The following SCAPER variants were observed in gnomAD, a reference collection of about 807,000 sequenced individuals.
SCAPER encodes the protein S-phase cyclin A associated protein in the ER, also known as S phase cyclin A-associated protein in the endoplasmic reticulum.
Under a neutral mutation model 182.2 loss-of-function variants are expected in SCAPER, and 98 were observed. The observed-to-expected ratio is 0.54, with a 90% CI of 0.46 to 0.64. The LOEUF (loss-of-function observed/expected upper bound fraction) is 0.64, where lower values mean the gene tolerates loss of function less well. SCAPER is among the 30% of genes least tolerant of loss of function. The pLI is 0.00. For missense variants in SCAPER, 1,432 were observed against 1,690.0 expected (o/e 0.85, Z 2.68); for synonymous variants, 605 against 564.6 (o/e 1.07, Z -1.01).
At chr15:76,559,054 A>C (rs1313555267) in intron 23 of SCAPER, among the ~76,000 whole-genome samples, 1 of 150,894 alleles carries the variant, frequency 6.6e-6, no homozygotes, top group African/African-American at 2.4e-5. Flanking sequence ...TTTTTTTCGG[A>C]GATGGAGCCT....
chr15:76,832,577 G>A (rs187601323), intron 5 of SCAPER, among the ~76,000 whole-genome samples: 58 of 152,274 alleles, frequency 3.8e-4, no homozygotes, highest in Admixed American at 1.5e-3. Context: ...CGGTTGGATC[G>A]GTGTCTCCTC....
At chr15:76,735,598 A>AG (rs1363332895) in intron 15 of SCAPER, among the ~76,000 whole-genome samples, 1 of 150,516 alleles carries the variant, frequency 6.6e-6, no homozygotes, top group Non-Finnish European at 1.5e-5. Flanking sequence ...GCTACTTTGG[A>AG]GGCTGAGGCA....
chr15:76,652,371 C>CACACACACACACATATATAT (rs764864981), intron 21 of SCAPER, among the ~76,000 whole-genome samples: 1 of 8,060 alleles, frequency 1.2e-4, no homozygotes. Context: ...CACACACACA[C>CACACACACACACATATATAT]ATATATATAT....
chr15:76,569,655 C>T (rs2047294744), intron 23 of SCAPER, among the ~76,000 whole-genome samples: 1 of 152,020 alleles, frequency 6.6e-6, no homozygotes, highest in Non-Finnish European at 1.5e-5. Context: ...CCTTTTGGAG[C>T]TCTAATTATA....
In SCAPER at chr15:76,774,886, G is replaced by T; in HGVS notation, c.1004C>A (p.Ser335Tyr). 6.2e-7 allele frequency: 1 copy of T among 1,613,168 alleles called. No homozygotes were observed. Among genetic ancestry groups the T allele is most frequent in the Non-Finnish European group, 8.5e-7 (1 of 1,179,568 alleles). ...TTTTTCGGCAAGAGGATGGTCACAAGAGTGTAATGAGTCTTTGGGATGAGA... is the reference window on the plus strand; with the variant it reads ...TTTTTCGGCAAGAGGATGGTCACAATAGTGTAATGAGTCTTTGGGATGAGA... ...IESHPKDSLH[S>Y]CDHPLAEKTQ... Residue 335 changes from serine (S) to tyrosine (Y), a missense_variant, in exon 9 of 32, where the codon TCT becomes TAT. Around this residue, in one of 5 missense-constraint regions of SCAPER, gnomAD observed 480 missense variants for 510.2 expected, o/e 0.94. Transcript: ENST00000563290.
At chr15:76,383,934 A>C (rs1180497234) in intron 27 of SCAPER, among the ~76,000 whole-genome samples, 1 of 152,224 alleles carries the variant, frequency 6.6e-6, no homozygotes, top group East Asian at 1.9e-4. Flanking sequence ...CAATAAAAAC[A>C]AAAGTTTAAG....
intron 3 of SCAPER, chr15:76,861,973 A>G (rs1052401376): frequency 1.3e-5 from 2 of 152,400 alleles, no homozygotes; most frequent in African/African-American, 4.8e-5. Context: ...AGCCCCTTAT[A>G]AAACCATCAC....
intron 24 of SCAPER, among the ~76,000 whole-genome samples, chr15:76,500,349 T>C (rs1257766360): frequency 6.6e-6 from 1 of 152,226 alleles, no homozygotes; most frequent in Non-Finnish European, 1.5e-5. Flanking sequence ...GAGTTTACTA[T>C]TTGGCCCCTG....
intron 25 of SCAPER, among the ~76,000 whole-genome samples, chr15:76,439,513 C>T (rs2047417961): frequency 6.6e-6 from 1 of 152,206 alleles, no homozygotes; most frequent in Non-Finnish European, 1.5e-5. Context: ...GCAGCCTGCT[C>T]TTTTGGGACA....
Position 76,366,049 on chromosome 15 carries a change from G to T in SCAPER, c.3855+10113C>A, listed in dbSNP as rs552548536. Reference sequence around the variant, plus strand: ...GTACCTATCCTGATTTTCTAATCTAGCTTATTTAAGAAAAGAGAACTGATT... The same window carrying T: ...GTACCTATCCTGATTTTCTAATCTATCTTATTTAAGAAAAGAGAACTGATT... On this transcript the variant is annotated intron_variant, in intron 29 of 31. Coordinates refer to ENST00000563290, the MANE Select transcript of SCAPER (RefSeq NM_020843.4). Among the ~76,000 whole-genome samples, 4 of 151,286 alleles carry T rather than the reference G, an allele frequency of 2.6e-5. No individual in the cohort carries two copies. In the South Asian group the frequency reaches 8.4e-4, roughly 32 times the overall value.
chr15:76,857,714 T>C, intron 4 of SCAPER, 95 bp downstream of exon 4: 1 of 816,726 alleles, frequency 1.2e-6, no homozygotes, highest in Non-Finnish European at 1.9e-6. Flanking sequence ...AGATAAATAA[T>C]ATTCAAATCC....
chr15:76,351,193 T>C, intron 31 of SCAPER, 44 bp downstream of exon 31: 1 of 1,554,196 alleles, frequency 6.4e-7, no homozygotes, highest in Non-Finnish European at 8.8e-7. Context: ...AAGATGTCCA[T>C]TTGGCTAACA....
chr15:76,779,180 A>G (rs1421935123), intron 8 of SCAPER, among the ~76,000 whole-genome samples: 6 of 152,136 alleles, frequency 3.9e-5, no homozygotes, highest in East Asian at 1.9e-4. Flanking sequence ...AAAGAAATGA[A>G]TAAGATCAAC....
intron 5 of SCAPER, among the ~76,000 whole-genome samples, chr15:76,837,004 C>T (rs567467095): frequency 1.3e-4 from 20 of 152,168 alleles, no homozygotes; most frequent in African/African-American, 4.8e-4. Context: ...TCCCCAAAAG[C>T]AATTGCAACA....
chr15:76,895,241 C>A (rs2074369087), intron 1 of SCAPER, among the ~76,000 whole-genome samples: 1 of 152,142 alleles, frequency 6.6e-6, no homozygotes, highest in Admixed American at 6.6e-5. Context: ...CAAATTAACA[C>A]ATGAGATACA....
intron 26 of SCAPER, among the ~76,000 whole-genome samples, chr15:76,420,870 G>A (rs866523557): frequency 1.3e-5 from 2 of 152,280 alleles, no homozygotes; most frequent in African/African-American, 4.8e-5. Flanking sequence ...AACATGCGGT[G>A]TTTGGTTTTT....
At position 76,438,953 on chromosome 15, in the gene SCAPER, T is replaced by C. The variant is rs78739957; in HGVS notation, c.3079-4643A>G. ...CAGAAATTCTCCTTGTCCCTTTGTA[T>C]AGATTTTTCTTTTGCTGGGTTTAAG... On this transcript the variant is annotated intron_variant, in intron 25 of 31. Coordinates refer to ENST00000563290, the MANE Select transcript of SCAPER (RefSeq NM_020843.4). Among the ~76,000 whole-genome samples, 20 of 152,356 alleles carry C rather than the reference T, an allele frequency of 1.3e-4. 1 individual carries two copies. The East Asian group carries it at 3.3e-3, about 25-fold the overall frequency.
chr15:76,443,536 G>A (rs144415208), intron 25 of SCAPER, among the ~76,000 whole-genome samples: 155 of 152,300 alleles, frequency 1.0e-3, no homozygotes, highest in African/African-American at 3.5e-3. Flanking sequence ...ACATGATGTT[G>A]AAGATGAAGC....
intron 5 of SCAPER, among the ~76,000 whole-genome samples, chr15:76,839,029 T>C (rs1229158613): frequency 1.3e-5 from 2 of 152,242 alleles, no homozygotes; most frequent in African/African-American, 4.8e-5. Flanking sequence ...AGAGTTTTGC[T>C]GGAACGTCAG....
Sources: gnomAD v4.1 joint callset for allele counts (sites outside exome capture counted in the v4.1 genomes callset) on GRCh38, gnomAD v4.1.1 for gene constraint, gnomAD v4.1.1 regional missense constraint, MANE v1.5 for transcripts, NCBI Gene and HGNC (gene_info 2026-07-23, HGNC 2026-07-21) for gene names.